Variants in PTPRZ1 observed in about 807,000 individuals in gnomAD.
PTPRZ1 encodes the protein protein tyrosine phosphatase receptor type Z1, also known as receptor-type tyrosine-protein phosphatase zeta.
Under a neutral mutation model 214.1 loss-of-function variants are expected in PTPRZ1, and 82 were observed. That is an observed-to-expected ratio of 0.38 (90% CI 0.32 to 0.46). PTPRZ1 has a LOEUF of 0.46. Among genes scored for constraint, PTPRZ1 ranks in the 20% least tolerant of loss-of-function variants. The pLI, the probability that PTPRZ1 is intolerant of heterozygous loss-of-function variation, is 1.00. For synonymous variants in PTPRZ1, 945 were observed against 987.9 expected (o/e 0.96, Z 0.81); for missense variants, 2,603 against 2,748.7 (o/e 0.95, Z 1.19).
chr7:121,909,378 G>C (rs1405169788), intron 1 of PTPRZ1, among the ~76,000 whole-genome samples: 2 of 150,514 alleles, frequency 1.3e-5, no homozygotes, highest in Non-Finnish European at 2.9e-5. Context: ...ACTGGAACGA[G>C]TTCCAGTCCA....
intron 13 of PTPRZ1, among the ~76,000 whole-genome samples, chr7:122,022,639 T>A (rs1412508750): frequency 6.6e-6 from 1 of 152,198 alleles, no homozygotes; most frequent in Admixed American, 6.6e-5. Flanking sequence ...GGTATCTTTT[T>A]TAAAGTAGAA....
chr7:121,904,391 G>T (rs1795059421), intron 1 of PTPRZ1, among the ~76,000 whole-genome samples: 2 of 152,170 alleles, frequency 1.3e-5, no homozygotes. Context: ...ATATCAGGGA[G>T]CTGTGCAGTG....
At chr7:121,892,028 A>T (rs1412299777) in intron 1 of PTPRZ1, among the ~76,000 whole-genome samples, 1 of 151,898 alleles carries the variant, frequency 6.6e-6, no homozygotes, top group East Asian at 1.9e-4. Context: ...TGTTTTTTAC[A>T]TTTTCTTTGG....
At chr7:122,060,525 C>T (rs927447466) in intron 29 of PTPRZ1, among the ~76,000 whole-genome samples, 1 of 152,174 alleles carries the variant, frequency 6.6e-6, no homozygotes, top group Non-Finnish European at 1.5e-5. Context: ...TGCCACTGCT[C>T]TGAGACCACA....
At chr7:121,957,198 G>A (rs1172198885) in intron 2 of PTPRZ1, among the ~76,000 whole-genome samples, 1 of 151,932 alleles carries the variant, frequency 6.6e-6, no homozygotes, top group Non-Finnish European at 1.5e-5. Flanking sequence ...GGCCTTTTTA[G>A]GCCTGGGCTC....
At chr7:122,057,645 C>CTTTTTTTTTTT (rs5887066) in intron 27 of PTPRZ1, among the ~76,000 whole-genome samples, 4 of 128,166 alleles carry the variant, frequency 3.1e-5, no homozygotes, top group Non-Finnish European at 3.3e-5. Flanking sequence ...CTTTGTGATT[C>CTTTTTTTTTTT]TTTTTTTTTT....
At chr7:121,918,736 A>G (rs1234790651) in intron 1 of PTPRZ1, among the ~76,000 whole-genome samples, 1 of 152,070 alleles carries the variant, frequency 6.6e-6, no homozygotes, top group East Asian at 1.9e-4. Flanking sequence ...CTGAAAACAT[A>G]TGAAAAAATA....
chr7:121,978,932 G>C (rs145352585), intron 6 of PTPRZ1, among the ~76,000 whole-genome samples: 21 of 151,950 alleles, frequency 1.4e-4, no homozygotes, highest in Non-Finnish European at 2.4e-4. Flanking sequence ...TAAACTGAAG[G>C]CTCCCCCATA....
chr7:121,934,002 T>TA (rs1416367233), intron 2 of PTPRZ1, among the ~76,000 whole-genome samples: 2 of 152,132 alleles, frequency 1.3e-5, no homozygotes, highest in African/African-American at 4.8e-5. Context: ...TCATTTCTGT[T>TA]AAAAAATATG....
At chr7:122,041,209 A>G (rs950759529) in intron 21 of PTPRZ1, among the ~76,000 whole-genome samples, 1 of 152,204 alleles carries the variant, frequency 6.6e-6, no homozygotes, top group Non-Finnish European at 1.5e-5. Flanking sequence ...TGATTATTTT[A>G]TTTGATTGTT....
intron 2 of PTPRZ1, among the ~76,000 whole-genome samples, chr7:121,937,788 C>A (rs911539570): frequency 3.9e-5 from 6 of 152,136 alleles, no homozygotes; most frequent in African/African-American, 1.2e-4. Flanking sequence ...TAAAAAGGAG[C>A]CTATATACAC....
At chr7:122,021,915 C>CT (rs1799028442) in intron 13 of PTPRZ1, among the ~76,000 whole-genome samples, 1 of 152,094 alleles carries the variant, frequency 6.6e-6, no homozygotes, top group Non-Finnish European at 1.5e-5. Context: ...TCATCATATG[C>CT]TAGGGGTATT....
intron 10 of PTPRZ1, among the ~76,000 whole-genome samples, chr7:122,003,707 C>T (rs1049624840): frequency 3.3e-5 from 5 of 152,118 alleles, no homozygotes; most frequent in Admixed American, 2.6e-4. Context: ...ATGCTCAAAC[C>T]TCACAGTTAC....
At chr7:121,995,129 AC>A (rs1235475622) in intron 8 of PTPRZ1, among the ~76,000 whole-genome samples, 4 of 152,166 alleles carry the variant, frequency 2.6e-5, no homozygotes, top group Non-Finnish European at 4.4e-5. Flanking sequence ...CATTTGTAAG[AC>A]CAATTGTTAG....
chr7:121,894,688 G>C (rs1794734626), intron 1 of PTPRZ1, among the ~76,000 whole-genome samples: 2 of 152,170 alleles, frequency 1.3e-5, no homozygotes, highest in African/African-American at 2.4e-5. Flanking sequence ...TTGCAGGTGT[G>C]AGCCACCACA....
chr7:121,987,857 TG>T (rs1174658120), intron 8 of PTPRZ1, among the ~76,000 whole-genome samples: 1 of 152,224 alleles, frequency 6.6e-6, no homozygotes, highest in Non-Finnish European at 1.5e-5. Flanking sequence ...AATGAAATCA[TG>T]TTTTTTTGCA....
chr7:121,992,880 G>T (rs928390566), intron 8 of PTPRZ1, among the ~76,000 whole-genome samples: 1 of 152,172 alleles, frequency 6.6e-6, no homozygotes, highest in African/African-American at 2.4e-5. Context: ...AGGATTCTTT[G>T]CTCACTGCTC....
intron 11 of PTPRZ1, among the ~76,000 whole-genome samples, chr7:122,008,592 T>G: frequency 6.6e-6 from 1 of 151,962 alleles, no homozygotes. Flanking sequence ...TAAGAAGAAG[T>G]GTGTCTTTGG....
At chr7:122,000,833 T>C (rs1271201954) in intron 10 of PTPRZ1, among the ~76,000 whole-genome samples, 1 of 150,864 alleles carries the variant, frequency 6.6e-6, no homozygotes, top group Non-Finnish European at 1.5e-5. Context: ...ATTACAGGCA[T>C]GCGCCACCAC....
Sources: allele counts gnomAD v4.1 joint callset (sites outside exome capture counted in the v4.1 genomes callset), GRCh38; gene constraint gnomAD v4.1.1; transcripts MANE v1.5; gene names NCBI Gene and HGNC (gene_info 2026-07-23, HGNC 2026-07-21).